Variants in SARNP observed in about 807,000 individuals in gnomAD.
The protein encoded by SARNP is SAP domain containing ribonucleoprotein.
SARNP carries 5 observed loss-of-function variants against 38.1 expected under a neutral mutation model. The observed-to-expected ratio is 0.13, with a 90% CI of 0.07 to 0.28. The LOEUF is 0.28. Ranked by LOEUF, SARNP falls within the 10% of genes least tolerant of loss-of-function variation. The pLI is 1.00. For synonymous variants in SARNP, 84 were observed against 80.6 expected (o/e 1.04, Z -0.23); for missense variants, 180 against 243.9 (o/e 0.74, Z 1.75).
At position 55,757,453 on chromosome 12, in the gene SARNP, C is replaced by T; in HGVS notation, c.*59G>A. On this transcript the variant is annotated 3_prime_UTR_variant, in exon 11 of 11. Coordinates refer to ENST00000336133, the MANE Select transcript of SARNP (RefSeq NM_033082.4). ...ACTGTGCATTTAGGCATATATGTGA[C>T]CAAGAAGAAGGAGAGAAATGGAAAA... The T allele has an allele frequency of 1.3e-6, 2 of 1,491,824 alleles. No homozygotes were observed. Among genetic ancestry groups the T allele is most frequent in the Non-Finnish European group, 1.8e-6 (2 of 1,086,418 alleles). The allele number at this position is 1,491,824 out of a possible 1,614,324, so 92.4% of individuals were successfully genotyped here.
intron 1 of SARNP, among the ~76,000 whole-genome samples, chr12:55,811,069 G>A (rs1284853582): frequency 5.0e-5 from 6 of 118,866 alleles, no homozygotes; most frequent in South Asian, 3.2e-4. Flanking sequence ...GTGACAGAGC[G>A]AGACTCCATC....
Position 55,804,562 on chromosome 12 carries a change from T to C in SARNP, c.37-834A>G, listed in dbSNP as rs182926154. On this transcript the variant is annotated intron_variant, in intron 1 of 10. Coordinates refer to ENST00000336133, the MANE Select transcript of SARNP (RefSeq NM_033082.4). Reference sequence around the variant, plus strand: ...ACTGGGTAAGGGAGGATTGGCTCAATAGTAACTCAAAGGATAAAGACATCA... The same window carrying C: ...ACTGGGTAAGGGAGGATTGGCTCAACAGTAACTCAAAGGATAAAGACATCA... Among the ~76,000 whole-genome samples, 131 of 152,216 alleles carry C rather than the reference T, an allele frequency of 8.6e-4. 1 individual carries two copies. The highest frequency in any genetic ancestry group is 1.6e-3 in the Non-Finnish European group (112 of 68,008).
At chr12:55,798,557 C>T (rs1262710517) in intron 4 of SARNP, among the ~76,000 whole-genome samples, 2 of 152,050 alleles carry the variant, frequency 1.3e-5, no homozygotes, top group South Asian at 2.1e-4. Context: ...AATGTACATC[C>T]TCTGTGATGC....
At chr12:55,775,297 G>A (rs554434078) in intron 9 of SARNP, among the ~76,000 whole-genome samples, 3 of 147,612 alleles carry the variant, frequency 2.0e-5, no homozygotes, top group South Asian at 2.1e-4. Context: ...GGTGGCTCAC[G>A]CCTGTAATCC....
intron 9 of SARNP, among the ~76,000 whole-genome samples, chr12:55,767,554 T>C (rs1165285861): frequency 6.6e-6 from 1 of 150,570 alleles, no homozygotes; most frequent in Non-Finnish European, 1.5e-5. Flanking sequence ...GTCTCAAAAA[T>C]ATACAAATAC....
At chr12:55,758,014 C>A (rs987311522) in intron 10 of SARNP, among the ~76,000 whole-genome samples, 2 of 152,182 alleles carry the variant, frequency 1.3e-5, no homozygotes, top group Non-Finnish European at 2.9e-5. Context: ...CAGGCCCAGA[C>A]AGTAGCTATT....
rs906496065 is a variant in SARNP, at chr12:55,796,212, G to C, written c.252-136C>G. On this transcript the variant is annotated intron_variant, in intron 4 of 10. Transcript: ENST00000336133. ...GCCACCCCCTAAGCCAAAGAAACAT[G>C]AAGTCCACTAGAGCTTTGGTTCCTT... 20 of 620,678 alleles carry C rather than the reference G, an allele frequency of 3.2e-5. No homozygotes were observed. In the African/African-American group the frequency reaches 3.7e-4, roughly 11 times the overall value. 38.4% of individuals were successfully genotyped at this position (620,678 alleles called of 1,614,324 possible).
At chr12:55,779,792 T>C (rs35999952) in intron 9 of SARNP, among the ~76,000 whole-genome samples, 5,741 of 152,238 alleles carry the variant, frequency 0.038, 168 homozygotes, top group Non-Finnish European at 0.054. Context: ...CTATATATAC[T>C]ATGATTTTAC....
At chr12:55,787,626 A>G (rs1426915456) in intron 9 of SARNP, among the ~76,000 whole-genome samples, 1 of 152,058 alleles carries the variant, frequency 6.6e-6, no homozygotes, top group Non-Finnish European at 1.5e-5. Flanking sequence ...TAGTAGAGAC[A>G]GGGTTTCACC....
At chr12:55,774,152 G>T (rs1879092533) in intron 9 of SARNP, among the ~76,000 whole-genome samples, 1 of 151,978 alleles carries the variant, frequency 6.6e-6, no homozygotes, top group African/African-American at 2.4e-5. Flanking sequence ...CTTCAGGCAT[G>T]CCACCCCACC....
At position 55,793,638 on chromosome 12, in the gene SARNP, T is replaced by C. The variant is rs568042088; in HGVS notation, c.406+721A>G. ...CTGTATTTATTGAAAAAAAAAAAAA[T>C]CCAAGTATAAGTGGACCTGTGCAGT... is the stretch of plus-strand genomic sequence containing the variant. On this transcript the variant is annotated intron_variant, in intron 7 of 10. Coordinates refer to ENST00000336133, the MANE Select transcript of SARNP (RefSeq NM_033082.4). The C allele has an allele frequency of 2.0e-5, 3 of 150,534 alleles. No homozygotes were observed. In the East Asian group the frequency reaches 5.8e-4, roughly 29 times the overall value. The allele number at this position is 150,534 out of a possible 1,614,324, so 9.3% of individuals were successfully genotyped here. A position where few individuals can be genotyped will look rare whatever the true frequency, so the allele number is the denominator to read the frequency against.
chr12:55,781,238 T>C (rs1418377913), intron 9 of SARNP, among the ~76,000 whole-genome samples: 1 of 152,138 alleles, frequency 6.6e-6, no homozygotes, highest in Non-Finnish European at 1.5e-5. Flanking sequence ...AGCTTCCTCT[T>C]TGGTACCTCA....
In SARNP at chr12:55,764,101, T is replaced by C. The variant is rs545958413; in HGVS notation, c.502-3461A>G. Among the ~76,000 whole-genome samples the C allele has an allele frequency of 2.9e-3, 445 of 152,338 alleles. 4 individuals carry two copies. The highest frequency in any genetic ancestry group is 9.8e-3 in the African/African-American group (407 of 41,560). On this transcript the variant is annotated intron_variant, in intron 9 of 10. Transcript: ENST00000336133. Reference sequence around the variant, plus strand: ...TAGGACCCCTTCTTCTAACGTACCATATACCTACAATTTATAAGTAACAGT... The same window carrying C: ...TAGGACCCCTTCTTCTAACGTACCACATACCTACAATTTATAAGTAACAGT...
At chr12:55,753,012 C>CT (rs750749499), downstream of SARNP, 4 of 152,198 alleles carry the variant, frequency 2.6e-5, no homozygotes, top group Non-Finnish European at 5.9e-5. Context: ...ACAGAAAACA[C>CT]TAAGGGCATG....
intron 1 of SARNP, among the ~76,000 whole-genome samples, chr12:55,815,051 T>C (rs941788389): frequency 6.6e-6 from 1 of 152,058 alleles, no homozygotes; most frequent in African/African-American, 2.4e-5. Flanking sequence ...ATGGAGAGAT[T>C]TTTTTATTTT....
At chr12:55,777,106 G>A (rs1879203461) in intron 9 of SARNP, among the ~76,000 whole-genome samples, 1 of 152,202 alleles carries the variant, frequency 6.6e-6, no homozygotes, top group Non-Finnish European at 1.5e-5. Context: ...AGGGAAAATA[G>A]AAAAGAGTTT....
In SARNP at chr12:55,763,890, A is replaced by G. The variant is rs551438699; in HGVS notation, c.502-3250T>C. Among the ~76,000 whole-genome samples, 8 of 152,312 alleles carry G rather than the reference A, an allele frequency of 5.3e-5. No individual in the cohort carries two copies. The South Asian group carries it at 1.7e-3, about 32-fold the overall frequency. On this transcript the variant is annotated intron_variant, in intron 9 of 10. Transcript: ENST00000336133. ...TAATACGAGGATTGGAATCCAGGACATTTTACTCAGGAATCCACTTTCTTA... is the reference window on the plus strand; with the variant it reads ...TAATACGAGGATTGGAATCCAGGACGTTTTACTCAGGAATCCACTTTCTTA...
Position 55,770,395 on chromosome 12 carries a change from T to C in SARNP, c.502-9755A>G, listed in dbSNP as rs1472729392. ...GCGCCCACCACCACGCCCAGCTAGG[T>C]TTTTTTTTTTTTTTTCCGTATTTTT... is the stretch of plus-strand genomic sequence containing the variant. On this transcript the variant is annotated intron_variant, in intron 9 of 10. Transcript: ENST00000336133. 2.3e-5 allele frequency among the ~76,000 whole-genome samples: 3 copies of C among 129,234 alleles called. No individual in the cohort carries two copies. In the South Asian group the frequency reaches 7.3e-4, roughly 32 times the overall value. 84.8% of individuals were successfully genotyped at this position (129,234 alleles called of 152,430 possible).
downstream of SARNP, chr12:55,754,960 G>A (rs892189982): frequency 6.6e-6 from 1 of 152,188 alleles, no homozygotes; most frequent in South Asian, 2.1e-4. Flanking sequence ...ATAAGGGAAA[G>A]AGATAACAAG....
Sources: allele counts gnomAD v4.1 joint callset (sites outside exome capture counted in the v4.1 genomes callset), GRCh38; gene constraint gnomAD v4.1.1; transcripts MANE v1.5; gene names NCBI Gene and HGNC (gene_info 2026-07-23, HGNC 2026-07-21).